Variants in HERC2 observed in about 807,000 individuals in gnomAD.
The protein encoded by HERC2 is HECT and RLD domain containing E3 ubiquitin protein ligase 2, also known as E3 ubiquitin-protein ligase HERC2.
HERC2 carries 102 observed loss-of-function variants against 537.7 expected under a neutral mutation model. The ratio of observed to expected loss-of-function variants is 0.19; its 90% CI spans 0.16 to 0.22. The LOEUF is 0.22. Ranked by LOEUF, HERC2 falls within the 10% of genes least tolerant of loss-of-function variation. The pLI, the probability that HERC2 is intolerant of heterozygous loss-of-function variation, is 1.00. For synonymous variants in HERC2, 2,224 were observed against 2,466.2 expected (o/e 0.90, Z 2.91); for missense variants, 4,236 against 6,198.2 (o/e 0.68, Z 10.63).
chr15:28,243,963 C>T (rs920495387), intron 23 of HERC2, among the ~76,000 whole-genome samples: 2 of 152,080 alleles, frequency 1.3e-5, no homozygotes, highest in Non-Finnish European at 2.9e-5. Context: ...ATCACTTGAG[C>T]CTAGGAGTTT....
chr15:28,211,599 A>T (rs1411253403), intron 43 of HERC2, among the ~76,000 whole-genome samples: 1 of 152,054 alleles, frequency 6.6e-6, no homozygotes, highest in African/African-American at 2.4e-5. Context: ...CAGCACAGAG[A>T]GCATGGGGTG....
chr15:28,150,154 T>C (rs1327160260), intron 70 of HERC2, among the ~76,000 whole-genome samples: 2 of 146,766 alleles, frequency 1.4e-5, no homozygotes, highest in Admixed American at 6.8e-5. Context: ...GCCGCACAAA[T>C]GCACATTCTA....
intron 79 of HERC2, among the ~76,000 whole-genome samples, chr15:28,134,080 C>T (rs764199082): frequency 2.6e-5 from 4 of 152,308 alleles, no homozygotes; most frequent in East Asian, 1.9e-4. Flanking sequence ...ATTAACAATA[C>T]TGACTCTTCT....
chr15:28,248,467 G>T, intron 21 of HERC2, 85 bp downstream of exon 21: 1 of 961,492 alleles, frequency 1.0e-6, no homozygotes, highest in East Asian at 2.5e-5. Flanking sequence ...CTACACATCT[G>T]GGCATATAGG....
intron 44 of HERC2, among the ~76,000 whole-genome samples, chr15:28,207,599 T>C (rs1454489814): frequency 1.3e-5 from 2 of 152,150 alleles, no homozygotes; most frequent in African/African-American, 2.4e-5. Flanking sequence ...GCTTTTTGTC[T>C]GTTATGAGTA....
chr15:28,161,105 T>C (rs1158916928), intron 69 of HERC2, among the ~76,000 whole-genome samples: 3 of 152,232 alleles, frequency 2.0e-5, no homozygotes, highest in Non-Finnish European at 4.4e-5. Context: ...CTAAAATATC[T>C]ACCAAACTCT....
intron 48 of HERC2, among the ~76,000 whole-genome samples, chr15:28,200,388 C>T (rs1049045636): frequency 1.3e-5 from 2 of 151,876 alleles, no homozygotes; most frequent in Non-Finnish European, 2.9e-5. Flanking sequence ...GAGCGAGACT[C>T]TGCCTCAAAA....
At chr15:28,308,092 T>C (rs941822850) in intron 2 of HERC2, among the ~76,000 whole-genome samples, 2 of 152,142 alleles carry the variant, frequency 1.3e-5, no homozygotes, top group Admixed American at 1.3e-4. Context: ...CTGTGAAGAA[T>C]GTCATTGGTA....
intron 2 of HERC2, among the ~76,000 whole-genome samples, chr15:28,317,320 C>T (rs1031235828): frequency 6.6e-6 from 1 of 152,184 alleles, no homozygotes; most frequent in Non-Finnish European, 1.5e-5. Context: ...AACTCCTGAC[C>T]TCAAGTGATC....
Position 28,262,885 on chromosome 15 carries a change from T to G in HERC2, c.2122+33A>C, listed in dbSNP as rs750793181. Reference sequence around the variant, plus strand: ...TAAAACATTACTAAAGAAACTGTCCTGAAGGGTTTTAAAAGTTTACATTTG... The same window carrying G: ...TAAAACATTACTAAAGAAACTGTCCGGAAGGGTTTTAAAAGTTTACATTTG... On this transcript the variant is annotated intron_variant, in intron 15 of 92. Transcript: ENST00000261609. The G allele has an allele frequency of 3.1e-6, 5 of 1,600,686 alleles. No individual in the cohort carries two copies. In the East Asian group the frequency reaches 1.1e-4, roughly 36 times the overall value.
At chr15:28,259,772 T>C (rs1174444455) in intron 16 of HERC2, among the ~76,000 whole-genome samples, 1 of 149,242 alleles carries the variant, frequency 6.7e-6, no homozygotes, top group Non-Finnish European at 1.5e-5. Flanking sequence ...CTGGCCAACA[T>C]GGTGAAACCC....
chr15:28,132,032 A>T, intron 81 of HERC2, 68 bp downstream of exon 81: 1 of 1,260,294 alleles, frequency 7.9e-7, no homozygotes, highest in East Asian at 2.9e-5. Flanking sequence ...GTGTTTTCCC[A>T]GAGGGGCCCT....
At chr15:28,298,385 C>T (rs1207143170) in intron 3 of HERC2, 2 of 150,504 alleles carry the variant, frequency 1.3e-5, no homozygotes, top group Admixed American at 6.6e-5. Context: ...AAACTCCCAA[C>T]CTCAAATGAT....
intron 2 of HERC2, among the ~76,000 whole-genome samples, chr15:28,311,898 G>T (rs1596464680): frequency 6.6e-6 from 1 of 152,192 alleles, no homozygotes; most frequent in East Asian, 1.9e-4. Context: ...CCAAAAGATG[G>T]AACATTTAAA....
rs1243896441 is a variant in HERC2 at position 28,258,981 on chromosome 15, G to GA, written c.2317-1721dup. Among the ~76,000 whole-genome samples the GA allele has an allele frequency of 2.0e-5, 3 of 152,352 alleles. No individual in the cohort carries two copies. The East Asian group carries it at 5.8e-4, about 29-fold the overall frequency. ...CACGTAAAAATCAGACAACGTAGAT[G>GA]AAGTAAAGCACATCTGAGGGCCAAA... On this transcript the variant is annotated intron_variant, in intron 16 of 92. Coordinates refer to ENST00000261609, the MANE Select transcript of HERC2 (RefSeq NM_004667.6).
At chr15:28,248,795 T>G in intron 20 of HERC2, 59 bp from the exon 21 acceptor site, 4 of 1,337,102 alleles carry the variant, frequency 3.0e-6, no homozygotes, top group Non-Finnish European at 4.2e-6. Context: ...AAAAAGAAAA[T>G]GGGATGGGGT....
chr15:28,199,041 G>A (rs1266602969), intron 48 of HERC2, among the ~76,000 whole-genome samples: 2 of 151,976 alleles, frequency 1.3e-5, no homozygotes, highest in African/African-American at 4.8e-5. Context: ...CAGCTACTCG[G>A]GAGACTGAGT....
chr15:28,212,962 AG>A (rs1402011700), intron 42 of HERC2: 2 of 180,284 alleles, frequency 1.1e-5, no homozygotes, highest in Admixed American at 1.3e-4. Context: ...CTGTAATCCC[AG>A]CACTTTGGGA....
At chr15:28,225,136 C>G (rs1341184210) in intron 35 of HERC2, among the ~76,000 whole-genome samples, 1 of 152,132 alleles carries the variant, frequency 6.6e-6, no homozygotes. Context: ...ACCTGTAATC[C>G]CAGCACTTTG....
Sources: gnomAD v4.1 joint callset for allele counts (sites outside exome capture counted in the v4.1 genomes callset) on GRCh38, gnomAD v4.1.1 for gene constraint, MANE v1.5 for transcripts, NCBI Gene and HGNC (gene_info 2026-07-23, HGNC 2026-07-21) for gene names.